Variants in C7 observed in about 807,000 individuals in gnomAD.
C7 encodes the protein complement C7, also known as complement component C7.
C7 carries 83 observed loss-of-function variants against 104.8 expected under a neutral mutation model. The observed-to-expected ratio is 0.79, with a 90% CI of 0.66 to 0.95. The LOEUF is 0.95. C7 is among the 40% of genes least tolerant of loss of function. The pLI is 0.00. For synonymous variants in C7, 415 were observed against 360.6 expected (o/e 1.15, Z -1.71); for missense variants, 1,070 against 1,011.2 (o/e 1.06, Z -0.79).
Position 40,984,270 on chromosome 5 carries a change from G to A in C7, c.*2697G>A, listed in dbSNP as rs543394634. On this transcript the variant is annotated 3_prime_UTR_variant, in exon 18 of 18. Coordinates refer to ENST00000313164, the MANE Select transcript of C7 (RefSeq NM_000587.4). ...TTGTAATCACCTTGAAAGAGAAGGA[G>A]GGTTCTTCGTATTCAGGTAGGGTAT... is the stretch of plus-strand genomic sequence containing the variant. 6.6e-6 allele frequency among the ~76,000 whole-genome samples: 1 copy of A among 152,286 alleles called. No homozygotes were observed. The highest frequency in any genetic ancestry group is 1.9e-4 in the East Asian group (1 of 5,166).
At chr5:40,971,070 G>T (rs12515206) in intron 14 of C7, among the ~76,000 whole-genome samples, 13,359 of 152,216 alleles carry the variant, frequency 0.088, 831 homozygotes, top group East Asian at 0.19. Flanking sequence ...CTTTACAGTA[G>T]AATGATTTAT....
chr5:40,959,873 C>T (rs576659409), intron 12 of C7, among the ~76,000 whole-genome samples: 30 of 152,268 alleles, frequency 2.0e-4, no homozygotes, highest in African/African-American at 7.0e-4. Context: ...CATTCTCATT[C>T]GTTTTGGCCA....
chr5:40,979,769 T>C lies in C7; in HGVS notation c.2210T>C (p.Ile737Thr). ...GCTCAAGATGAGAGAAGCAAAAGGATACTGCCTCTGACAGTTTGCAAGATG... is the reference window on the plus strand; with the variant it reads ...GCTCAAGATGAGAGAAGCAAAAGGACACTGCCTCTGACAGTTTGCAAGATG... ...VCAQDERSKRILPLTVCKMHV... is the reference protein window; with the variant it reads ...VCAQDERSKRTLPLTVCKMHV... Residue 737 changes from isoleucine (I) to threonine (T), a missense_variant, in exon 17 of 18, where the codon ATA becomes ACA. Physicochemically the swap from Ile to Thr is moderately conservative, Grantham distance 89 (BLOSUM62 -1). Transcript: ENST00000313164. The C allele has an allele frequency of 6.2e-7, 1 of 1,613,728 alleles. No individual in the cohort carries two copies. The highest frequency in any genetic ancestry group is 8.5e-7 in the Non-Finnish European group (1 of 1,179,702).
At chr5:40,936,302 C>T in intron 4 of C7, 36 bp from the exon 5 acceptor site, 1 of 1,611,178 alleles carries the variant, frequency 6.2e-7, no homozygotes, top group Non-Finnish European at 8.5e-7. Context: ...CCTCTTCCCT[C>T]TTTTACATTT....
Position 40,945,300 on chromosome 5 carries a change from T to G in C7, c.670T>G (p.Phe224Val). The G allele has an allele frequency of 1.9e-6, 3 of 1,608,584 alleles. No individual in the cohort carries two copies. Among genetic ancestry groups the G allele is most frequent in the Non-Finnish European group, 2.5e-6 (3 of 1,177,294 alleles). Residue 224 changes from phenylalanine (F) to valine (V), a missense_variant, in exon 7 of 18, where the codon TTT becomes GTT. Phe to Val is a conservative substitution (Grantham distance 50). Transcript: ENST00000313164. The part of the protein sequence containing the change: ...EHTSSSRKRS[F>V]FRSSSSSSRS... ...CACATCATCTAGTCGGAAGCGCTCC[T>G]TTTTTAGATCTTCATCATCTTCTTC...
At chr5:40,972,186 G>C (rs1740711923) in intron 14 of C7, 1 of 580,870 alleles carries the variant, frequency 1.7e-6, no homozygotes, top group Non-Finnish European at 3.1e-6. Context: ...GGGTGGGAGA[G>C]GGGGAGCTGT....
intron 6 of C7, among the ~76,000 whole-genome samples, chr5:40,938,907 C>T (rs1050820265): frequency 1.3e-5 from 2 of 152,252 alleles, no homozygotes; most frequent in South Asian, 2.1e-4. Flanking sequence ...GAAGCAATAG[C>T]GGTTGGCATC....
rs771779572 is a variant in C7, at chr5:40,934,438, A to T, written c.252A>T (p.Gly84=). 1.2e-6 allele frequency: 2 copies of T among 1,613,616 alleles called. No homozygotes were observed. Among genetic ancestry groups the T allele is most frequent in the African/African-American group, 1.3e-5 (1 of 74,900 alleles). The change falls in exon 4 of 18, where the codon GGA becomes GGT. Residue 84 remains glycine (G), a synonymous_variant. Transcript: ENST00000313164. ...EPTRGCPTEE[G]CGERFRCFSG... ...CAAGAGGATGTCCAACAGAGGAGGG[A>T]TGTGGAGAGCGTTTCAGGTGCTTTT...
chr5:40,942,349 C>A (rs1739958202), intron 6 of C7, among the ~76,000 whole-genome samples: 1 of 152,066 alleles, frequency 6.6e-6, no homozygotes, highest in Admixed American at 6.5e-5. Flanking sequence ...ACAATCAATC[C>A]ATCTAATCCA....
intron 6 of C7, among the ~76,000 whole-genome samples, chr5:40,941,788 G>T (rs1040043604): frequency 6.6e-6 from 1 of 152,198 alleles, no homozygotes; most frequent in Non-Finnish European, 1.5e-5. Flanking sequence ...GCAGGGAGAA[G>T]ACAAATCCAG....
At chr5:40,920,995 G>A (rs1739426345) in intron 1 of C7, among the ~76,000 whole-genome samples, 1 of 149,794 alleles carries the variant, frequency 6.7e-6, no homozygotes, top group African/African-American at 2.5e-5. Context: ...GTTGCAGTTA[G>A]CCAAAATGAT....
chr5:40,971,608 A>G (rs12188500), intron 14 of C7, among the ~76,000 whole-genome samples: 28,079 of 151,976 alleles, frequency 0.18, 3,121 homozygotes, highest in Middle Eastern at 0.38. Context: ...CCATTTGTCA[A>G]TTTTGGTTTT....
At chr5:40,924,506 A>T (rs1210671269) in intron 1 of C7, among the ~76,000 whole-genome samples, 1 of 152,090 alleles carries the variant, frequency 6.6e-6, no homozygotes. Flanking sequence ...TCCCCTTTCC[A>T]CTAATTCACT....
At chr5:40,968,506 T>A (rs1289998031) in intron 14 of C7, among the ~76,000 whole-genome samples, 1 of 148,536 alleles carries the variant, frequency 6.7e-6, no homozygotes, top group African/African-American at 2.5e-5. Context: ...TTTTAAGAAC[T>A]CTATTATAGA....
Position 40,983,376 on chromosome 5 carries a change from T to TA in C7, c.*1804dup, listed in dbSNP as rs1297071272. Among the ~76,000 whole-genome samples, 1 of 152,126 alleles carries TA rather than the reference T, an allele frequency of 6.6e-6. No individual in the cohort carries two copies. The highest frequency in any genetic ancestry group is 2.4e-5 in the African/African-American group (1 of 41,416). On this transcript the variant is annotated 3_prime_UTR_variant, in exon 18 of 18. Transcript: ENST00000313164. ...CCCCCTTCCTAAATAATACAGAGGATATGGTCAGCATTATCACATATCATC... is the reference window on the plus strand; with the variant it reads ...CCCCCTTCCTAAATAATACAGAGGATAATGGTCAGCATTATCACATATCATC...
intron 5 of C7, among the ~76,000 whole-genome samples, chr5:40,936,887 A>T (rs573860661): frequency 3.3e-5 from 5 of 152,142 alleles, no homozygotes; most frequent in Non-Finnish European, 4.4e-5. Flanking sequence ...GAGAAGAGAG[A>T]CAGAAGCAAG....
At position 40,931,133 on chromosome 5, in the gene C7, G is replaced by C. The variant is rs753987941; in HGVS notation, c.132G>C (p.Lys44Asn). ...APWSECNGCTKTQTRRRSVAV... is the reference protein window; with the variant it reads ...APWSECNGCTNTQTRRRSVAV... ...GGTCAGAATGCAATGGCTGTACCAA[G>C]ACTCAGGTAGGACCATGCAAAACTT... The change falls in exon 3 of 18, where the codon AAG becomes AAC. Residue 44 changes from lysine (K) to asparagine (N), a missense_variant. Coordinates refer to ENST00000313164, the MANE Select transcript of C7 (RefSeq NM_000587.4). 64 of 1,612,304 alleles carry C rather than the reference G, an allele frequency of 4.0e-5. No individual in the cohort carries two copies. The highest frequency in any genetic ancestry group is 5.3e-5 in the Non-Finnish European group (63 of 1,178,536).
At chr5:40,980,746 A>C (rs536235004) in intron 17 of C7, among the ~76,000 whole-genome samples, 1 of 152,146 alleles carries the variant, frequency 6.6e-6, no homozygotes, top group African/African-American at 2.4e-5. Flanking sequence ...ACCCGCTGGC[A>C]CCTGTCCCCT....
intron 3 of C7, among the ~76,000 whole-genome samples, chr5:40,932,475 A>G (rs1448228602): frequency 6.6e-6 from 1 of 152,214 alleles, no homozygotes; most frequent in Non-Finnish European, 1.5e-5. Context: ...GGGTAAAATT[A>G]TATTTAAAAA....
Sources: gnomAD v4.1 joint callset for allele counts (sites outside exome capture counted in the v4.1 genomes callset) on GRCh38, gnomAD v4.1.1 for gene constraint, MANE v1.5 for transcripts, NCBI Gene and HGNC (gene_info 2026-07-23, HGNC 2026-07-21) for gene names.